The following MAMLD1 variants were observed in gnomAD, a reference collection of about 807,000 sequenced individuals.
MAMLD1 encodes the protein mastermind like domain containing 1.
MAMLD1 carries 14 observed loss-of-function variants against 45.0 expected under a neutral mutation model. That is an observed-to-expected ratio of 0.31 (90% CI 0.21 to 0.49). The LOEUF (loss-of-function observed/expected upper bound fraction) is 0.49. MAMLD1 is among the 20% of genes least tolerant of loss of function. MAMLD1 has a pLI of 0.99. For missense variants in MAMLD1, 543 were observed against 603.6 expected, an observed-to-expected ratio of 0.90 and a Z score of 1.05; for synonymous variants, 254 against 247.8, an observed-to-expected ratio of 1.02 and a Z score of -0.24.
chrX:150,477,102 A>G (rs986434256), intron 5 of MAMLD1, among the ~76,000 whole-genome samples: 6 of 113,380 alleles, frequency 5.3e-5, no homozygotes, highest in Non-Finnish European at 1.1e-4. Flanking sequence ...GGCTGGGCTC[A>G]AGGCCAAGTT....
rs1436974996 is a variant in MAMLD1, at chrX:150,417,477, C to A, written c.-63-27977C>A. Among the ~76,000 whole-genome samples, 273 of 109,199 alleles carry A rather than the reference C, an allele frequency of 2.5e-3. 1 individual carries two copies. The highest frequency in any genetic ancestry group is 0.02 in the South Asian group (51 of 2,509). The allele number at this position is 109,199 out of a possible 115,157, so 94.8% of individuals were successfully genotyped here. Reference sequence around the variant, plus strand: ...TAGTGCCGCAATAAACATACGTGTGCATGTGTCTTTATAGCAGCATGATTT... The same window carrying A: ...TAGTGCCGCAATAAACATACGTGTGAATGTGTCTTTATAGCAGCATGATTT... On this transcript the variant is annotated intron_variant, in intron 1 of 7. Coordinates refer to ENST00000370401, the MANE Select transcript of MAMLD1 (RefSeq NM_005491.5).
At chrX:150,465,225 AC>A (rs1291102834) in intron 3 of MAMLD1, among the ~76,000 whole-genome samples, 2 of 111,787 alleles carry the variant, frequency 1.8e-5, no homozygotes, top group African/African-American at 6.5e-5. Context: ...TATATTCTTT[AC>A]TCTCCTTATG....
intron 5 of MAMLD1, among the ~76,000 whole-genome samples, chrX:150,475,257 C>A (rs1292426132): frequency 9.0e-6 from 1 of 111,495 alleles, no homozygotes; most frequent in Admixed American, 9.5e-5. Context: ...TCTTTAGAGG[C>A]AGGGTCTCAC....
At chrX:150,436,533 C>T (rs958281598) in intron 1 of MAMLD1, among the ~76,000 whole-genome samples, 1 of 111,765 alleles carries the variant, frequency 8.9e-6, no homozygotes, top group African/African-American at 3.3e-5. Context: ...TCAGTTGTAT[C>T]CTGAAATTCA....
rs781904160 is a variant in MAMLD1, at chrX:150,394,129, C to CTTTTTTTTTTTTTTTTTTT, written c.-64+30606_-64+30624dup. On this transcript the variant is annotated intron_variant, in intron 1 of 7. Coordinates refer to ENST00000370401, the MANE Select transcript of MAMLD1 (RefSeq NM_005491.5). ...GGGGTGTAAGGTCTATATCTACATCCTTTTTTTTTTTTTTTTTTTTTTTTT... is the reference window on the plus strand; with the variant it reads ...GGGGTGTAAGGTCTATATCTACATCCTTTTTTTTTTTTTTTTTTTTTTTTTTTTTTTTTTTTTTTTTTTT... 2.0e-3 allele frequency among the ~76,000 whole-genome samples: 24 copies of CTTTTTTTTTTTTTTTTTTT among 12,263 alleles called. 6 individuals are homozygous for CTTTTTTTTTTTTTTTTTTT. Among genetic ancestry groups the CTTTTTTTTTTTTTTTTTTT allele is most frequent in the Admixed American group, 3.4e-3 (2 of 588 alleles). The allele number at this position is 12,263 out of a possible 115,157, so 10.6% of individuals were successfully genotyped here. A position where few individuals can be genotyped will look rare whatever the true frequency, so the allele number is the denominator to read the frequency against.
chrX:150,511,476 G>A (rs1481318177), intron 7 of MAMLD1, among the ~76,000 whole-genome samples: 3 of 111,879 alleles, frequency 2.7e-5, no homozygotes, highest in South Asian at 3.7e-4. Flanking sequence ...TGAGACAAGA[G>A]GGGAACAAAG....
At position 150,513,129 on chromosome X, in the gene MAMLD1, G is replaced by A; in HGVS notation, c.*1170G>A. The A allele has an allele frequency of 2.0e-6, 2 of 1,005,127 alleles. No homozygotes were observed. The highest frequency in any genetic ancestry group is 4.6e-5 in the South Asian group (2 of 43,159). The allele number at this position is 1,005,127 out of a possible 1,213,427, so 82.8% of individuals were successfully genotyped here. A position where few individuals can be genotyped will look rare whatever the true frequency, so the allele number is the denominator to read the frequency against. On this transcript the variant is annotated 3_prime_UTR_variant, in exon 8 of 8. Coordinates refer to ENST00000370401, the MANE Select transcript of MAMLD1 (RefSeq NM_005491.5). ...TGGTGACATCACTCTAGGAAGTGGT[G>A]TCGATCCATACCCGCAGTTGTCTCC... is the stretch of plus-strand genomic sequence containing the variant.
intron 1 of MAMLD1, among the ~76,000 whole-genome samples, chrX:150,403,956 G>GAAAGAAAGAAAGAA (rs2033908316): frequency 6.6e-5 from 5 of 75,701 alleles, no homozygotes; most frequent in African/African-American, 2.3e-4. Context: ...AAGAAAGAAA[G>GAAAGAAAGAAAGAA]AAAGAAAGAA....
chrX:150,390,256 C>T (rs1346258020), intron 1 of MAMLD1, among the ~76,000 whole-genome samples: 1 of 111,485 alleles, frequency 9.0e-6, no homozygotes, highest in Non-Finnish European at 1.9e-5. Flanking sequence ...TGTACTCTGC[C>T]AACCTCTGTC....
At position 150,513,555 on chromosome X, in the gene MAMLD1, A is replaced by G. The variant is rs139068831; in HGVS notation, c.*1596A>G. On this transcript the variant is annotated 3_prime_UTR_variant, in exon 8 of 8. Coordinates refer to ENST00000370401, the MANE Select transcript of MAMLD1 (RefSeq NM_005491.5). The stretch of plus-strand genomic sequence containing the variant: ...GAAAACCACTTGGCCATTTATTTCT[A>G]TGTTCACTAAAAATCCTATTGCCTT... 0.021 allele frequency: 6,108 copies of G among 295,961 alleles called. 74 individuals are homozygous for G. The highest frequency in any genetic ancestry group is 0.027 in the Non-Finnish European group (4,583 of 170,264). The allele number at this position is 295,961 out of a possible 1,213,427, so 24.4% of individuals were successfully genotyped here.
At chrX:150,392,706 T>A (rs919436548) in intron 1 of MAMLD1, among the ~76,000 whole-genome samples, 20 of 110,792 alleles carry the variant, frequency 1.8e-4, no homozygotes, top group African/African-American at 5.6e-4. Context: ...AGAAAGGTTT[T>A]CTGTTATTTA....
At chrX:150,476,052 T>G (rs781808886) in intron 5 of MAMLD1, among the ~76,000 whole-genome samples, 12 of 111,883 alleles carry the variant, frequency 1.1e-4, no homozygotes, top group Admixed American at 3.8e-4. Context: ...CACATAAAAT[T>G]TGGCACCAAA....
chrX:150,453,468 C>T (rs1557405164), intron 2 of MAMLD1, among the ~76,000 whole-genome samples: 1 of 111,502 alleles, frequency 9.0e-6, no homozygotes, highest in Non-Finnish European at 1.9e-5. Context: ...CATGCGGCCA[C>T]GTGTTTAGCT....
intron 1 of MAMLD1, among the ~76,000 whole-genome samples, chrX:150,390,704 A>G (rs1296402719): frequency 1.8e-5 from 2 of 112,105 alleles, no homozygotes; most frequent in African/African-American, 6.5e-5. Flanking sequence ...TGATTTAATA[A>G]ACTCGTGAGA....
chrX:150,401,815 T>C (rs2033780451), intron 1 of MAMLD1, among the ~76,000 whole-genome samples: 1 of 110,876 alleles, frequency 9.0e-6, no homozygotes, highest in Admixed American at 9.5e-5. Context: ...AAACAAGCAA[T>C]GGGGAAAGGA....
At chrX:150,361,961 C>G (rs941268401), upstream of MAMLD1, among the ~76,000 whole-genome samples, 6 of 113,030 alleles carry the variant, frequency 5.3e-5, no homozygotes, top group Non-Finnish European at 1.1e-4. Flanking sequence ...GAACGGGAGA[C>G]TGGCCAGCGA....
intron 6 of MAMLD1, among the ~76,000 whole-genome samples, chrX:150,506,886 C>T (rs183474075): frequency 1.7e-3 from 195 of 112,521 alleles, no homozygotes; most frequent in African/African-American, 6.1e-3. Context: ...TTTACAGCTC[C>T]CTGGCGTCAG....
At chrX:150,376,882 A>G (rs1294214323) in intron 1 of MAMLD1, among the ~76,000 whole-genome samples, 1 of 109,469 alleles carries the variant, frequency 9.1e-6, no homozygotes, top group Non-Finnish European at 1.9e-5. Context: ...TATGGAAAAA[A>G]AAAAAAAACA....
chrX:150,445,334 A>G, intron 1 of MAMLD1, 120 bp from the exon 2 acceptor site: 1 of 447,457 alleles, frequency 2.2e-6, no homozygotes, highest in Non-Finnish European at 4.1e-6. Flanking sequence ...GGTGGGAGGA[A>G]GGGAAAAGGA....
Sources: allele counts gnomAD v4.1 joint callset (sites outside exome capture counted in the v4.1 genomes callset), GRCh38; gene constraint gnomAD v4.1.1; transcripts MANE v1.5; gene names NCBI Gene and HGNC (gene_info 2026-07-23, HGNC 2026-07-21).